Variants in PEAK3 observed in about 807,000 individuals in gnomAD.
The protein encoded by PEAK3 is PEAK family member 3, also known as protein PEAK3.
A neutral mutation model predicts 13.3 loss-of-function variants in PEAK3; 15 were observed. The ratio of observed to expected loss-of-function variants is 1.13; its 90% CI spans 0.75 to 1.73. The LOEUF (loss-of-function observed/expected upper bound fraction) is 1.73, where lower values mean the gene tolerates loss of function less well. Among genes scored for constraint, PEAK3 ranks in the 40% most tolerant of loss-of-function variants. The pLI, the probability that PEAK3 is intolerant of heterozygous loss-of-function variation, is 0.00. For missense variants in PEAK3, 739 were observed against 690.2 expected (o/e 1.07, Z -0.79); for synonymous variants, 347 against 341.9 (o/e 1.01, Z -0.17).
Position 2,274,931 on chromosome 19 carries a change from C to CAGA in PEAK3, c.*748_*749insTCT, listed in dbSNP as rs547896683. 1.2e-5 allele frequency: 1 copy of CAGA among 81,980 alleles called. No homozygotes were observed. Among genetic ancestry groups the CAGA allele is most frequent in the Non-Finnish European group, 2.4e-5 (1 of 42,168 alleles). The allele number at this position is 81,980 out of a possible 1,614,324, so 5.1% of individuals were successfully genotyped here. Reference sequence around the variant, plus strand: ...AGCTTGCAGTAAGCCGAGATCGTCTCAAAAAAAAAAAAAAAAAAAAAAGAA... The same window carrying CAGA: ...AGCTTGCAGTAAGCCGAGATCGTCTCAGAAAAAAAAAAAAAAAAAAAAAAAGAA... On this transcript the variant is annotated 3_prime_UTR_variant, in exon 4 of 4. Transcript: ENST00000342063.
chr19:2,279,212 GAAGT>G, intron 2 of PEAK3, 99 bp from the exon 3 acceptor site: 1 of 1,069,988 alleles, frequency 9.3e-7, no homozygotes, highest in Non-Finnish European at 1.2e-6. Context: ...CTCTAACATG[GAAGT>G]AATGAGGCTG....
chr19:2,275,524 C>T lies in PEAK3; in HGVS notation c.*156G>A. 7.8e-6 allele frequency: 5 copies of T among 641,134 alleles called. No homozygotes were observed. The highest frequency in any genetic ancestry group is 3.5e-5 in the East Asian group (1 of 28,652). 39.7% of individuals were successfully genotyped at this position (641,134 alleles called of 1,614,324 possible). On this transcript the variant is annotated 3_prime_UTR_variant, in exon 4 of 4. Coordinates refer to ENST00000342063, the MANE Select transcript of PEAK3 (RefSeq NM_198532.3). ...AAGCCCTTGACCCACATCCCCAGCA[C>T]GGGAGGGGAGGCTCTGGAGTGGGGC...
Position 2,276,129 on chromosome 19 carries a change from G to C in PEAK3, c.973C>G (p.Arg325Gly), listed in dbSNP as rs930452275. ...PRGCATTGPP[R>G]LLLTDFGRVC... ...CGGCCAAAGTCAGTGAGGAGCAGGC[G>C]TGGGGGCCCCGTCGTCGCACAGCCC... Residue 325 changes from arginine (R) to glycine (G), a missense_variant, in exon 4 of 4, where the codon CGC (arginine) becomes GGC (glycine). Coordinates refer to ENST00000342063, the MANE Select transcript of PEAK3 (RefSeq NM_198532.3). 1.3e-6 allele frequency: 2 copies of C among 1,538,558 alleles called. No homozygotes were observed. The highest frequency in any genetic ancestry group is 2.0e-5 in the Admixed American group (1 of 50,486).
Position 2,275,529 on chromosome 19 carries a change from G to C in PEAK3, c.*151C>G, listed in dbSNP as rs2025376521. Reference sequence around the variant, plus strand: ...CTTGACCCACATCCCCAGCACGGGAGGGGAGGCTCTGGAGTGGGGCATTGC... The same window carrying C: ...CTTGACCCACATCCCCAGCACGGGACGGGAGGCTCTGGAGTGGGGCATTGC... On this transcript the variant is annotated 3_prime_UTR_variant, in exon 4 of 4. Transcript: ENST00000342063. 2 of 660,298 alleles carry C rather than the reference G, an allele frequency of 3.0e-6. No homozygotes were observed. Among genetic ancestry groups the C allele is most frequent in the Non-Finnish European group, 2.2e-6 (1 of 458,406 alleles). 40.9% of individuals were successfully genotyped at this position (660,298 alleles called of 1,614,324 possible). A position where few individuals can be genotyped will look rare whatever the true frequency, so the allele number is the denominator to read the frequency against.
chr19:2,278,695 G>A lies in PEAK3; in HGVS notation c.501C>T (p.Pro167=), dbSNP rs781756886. ...TGTCTAGGAGGCGGAAGCTGTGGCC[G>A]GGGTGGCAGGGCCCGGGGTGGCCCC... The part of the protein sequence containing the change: ...LMGGHPGPCH[P]GHSFRLLDSS... The change falls in exon 3 of 4, where the codon CCC becomes CCT. Residue 167 remains proline (P), a synonymous_variant. Coordinates refer to ENST00000342063, the MANE Select transcript of PEAK3 (RefSeq NM_198532.3). 45 of 1,524,608 alleles carry A rather than the reference G, an allele frequency of 3.0e-5. No individual in the cohort carries two copies. Among genetic ancestry groups the A allele is most frequent in the South Asian group, 6.4e-5 (5 of 78,088 alleles). 94.4% of individuals were successfully genotyped at this position (1,524,608 alleles called of 1,614,324 possible). A position where few individuals can be genotyped will look rare whatever the true frequency, so the allele number is the denominator to read the frequency against.
rs763903179 is a variant in PEAK3 at position 2,278,741 on chromosome 19, C to T, written c.455G>A (p.Arg152Gln). The change falls in exon 3 of 4, where the codon CGG becomes CAG. Residue 152 changes from arginine to glutamine, a missense_variant. Physicochemically the swap from Arg to Gln is conservative, Grantham distance 43. Coordinates refer to ENST00000342063, the MANE Select transcript of PEAK3 (RefSeq NM_198532.3). ...GCCCCCCATGAGCCGGGCACGGAGC[C>T]GGGCATAGATGGTACGGAGGCCCTG... is the stretch of plus-strand genomic sequence containing the variant. ...QLQGLRTIYA[R>Q]LRARLMGGHP... 2.7e-5 allele frequency: 42 copies of T among 1,538,714 alleles called. No individual in the cohort carries two copies. The highest frequency in any genetic ancestry group is 2.6e-4 in the South Asian group (22 of 83,262).
In PEAK3 at chr19:2,278,885, C is replaced by T. The variant is rs1437720993; in HGVS notation, c.311G>A (p.Gly104Glu). The T allele has an allele frequency of 6.3e-7, 1 of 1,595,962 alleles. No homozygotes were observed. Among genetic ancestry groups the T allele is most frequent in the Middle Eastern group, 1.7e-4 (1 of 6,040 alleles). The stretch of plus-strand genomic sequence containing the variant: ...CAGCTCTGCAGGGAGACAGGCTGGT[C>T]CCACTGCAGCCTGGCTCTTGTCCAC... ...HSVDKSQAAV[G>E]PACLPAELTF... Residue 104 changes from glycine to glutamate, a missense_variant, in exon 3 of 4, where the codon GGA (glycine) becomes GAA (glutamate). Physicochemically the swap from Gly to Glu is moderately conservative, Grantham distance 98. Coordinates refer to ENST00000342063, the MANE Select transcript of PEAK3 (RefSeq NM_198532.3).
intron 3 of PEAK3, among the ~76,000 whole-genome samples, chr19:2,277,314 T>C (rs1419693887): frequency 6.6e-6 from 1 of 152,084 alleles, no homozygotes; most frequent in Admixed American, 6.6e-5. Context: ...GCACTGTCGT[T>C]GGGATAACGA....
In PEAK3 at chr19:2,276,352, TGCGCCTCTCCAGGGC is replaced by T; in HGVS notation, c.735_749del (p.Pro246_Ala250del). 6.3e-7 allele frequency: 1 copy of T among 1,599,676 alleles called. No homozygotes were observed. The highest frequency in any genetic ancestry group is 8.5e-7 in the Non-Finnish European group (1 of 1,178,904). ...CTGGAACCTCGGCTGCCAGCGCCAC[TGCGCCTCTCCAGGGC>T]GCCCCGGGCAGTGTGCCTTCAGGCA... On this transcript the variant is annotated inframe_deletion, in exon 4 of 4. Transcript: ENST00000342063.
At chr19:2,276,510 C>T (rs1555740542) in intron 3 of PEAK3, 21 bp from the exon 4 acceptor site, 3 of 1,479,016 alleles carry the variant, frequency 2.0e-6, no homozygotes, top group South Asian at 1.4e-5. Flanking sequence ...GAGGGGGTGT[C>T]GGGGCCTGGA....
Position 2,275,886 on chromosome 19 carries a change from G to T in PEAK3, c.1216C>A (p.Leu406Met). ...QALLWGPGPE[L>M]RGRGAPLGPW... ...CCAAGCGGTGCTCCGCGGCCGCGCA[G>T]CTCAGGCCCGGGCCCCCAGAGCAGC... The change falls in exon 4 of 4, where the codon CTG becomes ATG. Residue 406 changes from leucine to methionine, a missense_variant. Transcript: ENST00000342063. 1 of 1,411,388 alleles carries T rather than the reference G, an allele frequency of 7.1e-7. No homozygotes were observed. The highest frequency in any genetic ancestry group is 1.5e-5 in the South Asian group (1 of 68,124). The allele number at this position is 1,411,388 out of a possible 1,614,324, so 87.4% of individuals were successfully genotyped here.
chr19:2,275,377 A>C lies in PEAK3; in HGVS notation c.*303T>G. The C allele has an allele frequency of 7.3e-6, 2 of 272,996 alleles. No individual in the cohort carries two copies. The highest frequency in any genetic ancestry group is 1.4e-5 in the Non-Finnish European group (2 of 144,882). 16.9% of individuals were successfully genotyped at this position (272,996 alleles called of 1,614,324 possible). On this transcript the variant is annotated 3_prime_UTR_variant, in exon 4 of 4. Coordinates refer to ENST00000342063, the MANE Select transcript of PEAK3 (RefSeq NM_198532.3). ...TGGGGAAGGCAGAACACAGAGAGAC[A>C]TTGATCAGCGGGGTTGTCCACACCT...
chr19:2,279,144 G>A, intron 2 of PEAK3, 31 bp from the exon 3 acceptor site: 1 of 1,401,174 alleles, frequency 7.1e-7, no homozygotes, highest in South Asian at 1.6e-5. Flanking sequence ...GGAGGGTTGA[G>A]GACAGGCGGA....
chr19:2,280,511 A>AT (rs1003423948), intron 2 of PEAK3, among the ~76,000 whole-genome samples: 1 of 144,160 alleles, frequency 6.9e-6, no homozygotes, highest in Admixed American at 6.9e-5. Context: ...TGTCCATCTC[A>AT]TTTTTTTTGT....
Position 2,276,456 on chromosome 19 carries a change from A to G in PEAK3, c.646T>C (p.Trp216Arg), listed in dbSNP as rs2025391183. ...AGGGAGGCCTGCAGCTCCAGGCCCC[A>G]CGGGTGGGGCACGTCCGCCCCGGGC... ...PKPGADVPHP[W>R]GLELQASLSP... Residue 216 changes from tryptophan to arginine, a missense_variant, in exon 4 of 4, where the codon TGG becomes CGG. Transcript: ENST00000342063. 6.4e-7 allele frequency: 1 copy of G among 1,574,044 alleles called. No individual in the cohort carries two copies. The highest frequency in any genetic ancestry group is 8.6e-7 in the Non-Finnish European group (1 of 1,164,268).
rs1200833012 is a variant in PEAK3 at position 2,280,950 on chromosome 19, A to G, written c.-4-15T>C. ...TGCTCATGTTGCTGGGGAAAGGTCAAACGGGGCGTGTGTGGGGTGACCGTG... is the reference window on the plus strand; with the variant it reads ...TGCTCATGTTGCTGGGGAAAGGTCAGACGGGGCGTGTGTGGGGTGACCGTG... On this transcript the variant is annotated splice_polypyrimidine_tract_variant and intron_variant, in intron 1 of 3. Coordinates refer to ENST00000342063, the MANE Select transcript of PEAK3 (RefSeq NM_198532.3). The G allele has an allele frequency of 6.6e-6, 10 of 1,519,654 alleles. 1 individual carries two copies. The highest frequency in any genetic ancestry group is 8.0e-6 in the Non-Finnish European group (9 of 1,123,362). The allele number at this position is 1,519,654 out of a possible 1,614,324, so 94.1% of individuals were successfully genotyped here.
chr19:2,275,784 C>G lies in PEAK3; in HGVS notation c.1318G>C (p.Ala440Pro). 6.4e-7 allele frequency: 1 copy of G among 1,572,926 alleles called. No individual in the cohort carries two copies. Residue 440 changes from alanine (A) to proline (P), a missense_variant, in exon 4 of 4, where the codon GCA becomes CCA. Coordinates refer to ENST00000342063, the MANE Select transcript of PEAK3 (RefSeq NM_198532.3). The part of the protein sequence containing the change: ...LLVLRLAERA[A>P]GGEAPSLEDW... ...TCGAGGCTGGGAGCTTCCCCACCTG[C>G]GGCCCGCTCTGCTAGGCGCAGGACC...
rs747198079 is a variant in PEAK3, at chr19:2,280,746, G to A, written c.82+104C>T. The A allele has an allele frequency of 1.9e-5, 17 of 882,910 alleles. No homozygotes were observed. The South Asian group carries it at 2.7e-4, about 14-fold the overall frequency. The allele number at this position is 882,910 out of a possible 1,614,324, so 54.7% of individuals were successfully genotyped here. On this transcript the variant is annotated intron_variant, in intron 2 of 3. Coordinates refer to ENST00000342063, the MANE Select transcript of PEAK3 (RefSeq NM_198532.3). ...TGCTGCTGTTCCCAGAGGCCATGGT[G>A]CCCGGCAACCTCCTGCCGCTCCCTG...
chr19:2,278,515 C>G, intron 3 of PEAK3, 69 bp downstream of exon 3: 1 of 1,362,088 alleles, frequency 7.3e-7, no homozygotes, highest in Non-Finnish European at 9.5e-7. Flanking sequence ...CCAAATGAAA[C>G]AAGCCCTGGG....
Sources: gnomAD v4.1 joint callset for allele counts (sites outside exome capture counted in the v4.1 genomes callset) on GRCh38, gnomAD v4.1.1 for gene constraint, MANE v1.5 for transcripts, NCBI Gene and HGNC (gene_info 2026-07-23, HGNC 2026-07-21) for gene names.